NGFR: variants seen among roughly 807,000 people sequenced by gnomAD.
NGFR encodes tumor necrosis factor receptor superfamily member 16.
NGFR carries 30 observed loss-of-function variants against 43.2 expected under a neutral mutation model. That is an observed-to-expected ratio of 0.69 (90% CI 0.52 to 0.94). NGFR has a LOEUF of 0.94. Among genes scored for constraint, NGFR ranks in the 40% least tolerant of loss-of-function variants. NGFR has a pLI of 0.00. For synonymous variants in NGFR, 246 were observed against 259.6 expected, an observed-to-expected ratio of 0.95 and a Z score of 0.50; for missense variants, 529 against 602.5, an observed-to-expected ratio of 0.88 and a Z score of 1.28.
chr17:49,508,898 A>G (rs2071215244), intron 3 of NGFR, among the ~76,000 whole-genome samples: 1 of 152,034 alleles, frequency 6.6e-6, no homozygotes, highest in South Asian at 2.1e-4. Context: ...GGGCACCCGG[A>G]CATGTACACT....
In NGFR at chr17:49,502,815, TCTTCCTTCCTTCCTTCCTTCCTTC is replaced by T. The variant is rs10672288; in HGVS notation, c.208+643_208+666del. On this transcript the variant is annotated intron_variant, in intron 2 of 5. Coordinates refer to ENST00000172229, the MANE Select transcript of NGFR (RefSeq NM_002507.4). ...GCTGTGCCCATTCCTGCCTGGGATT[TCTTCCTTCCTTCCTTCCTTCCTTC>T]CTTCCTTCCTTCCTTCCTTCCTTCC... Among the ~76,000 whole-genome samples, 94 of 121,590 alleles carry T rather than the reference TCTTCCTTCCTTCCTTCCTTCCTTC, an allele frequency of 7.7e-4. No individual in the cohort carries two copies. In the Middle Eastern group the frequency reaches 0.016, roughly 20 times the overall value. The allele number at this position is 121,590 out of a possible 152,430, so 79.8% of individuals were successfully genotyped here.
At chr17:49,506,073 G>C in intron 2 of NGFR, 4 of 794,918 alleles carry the variant, frequency 5.0e-6, no homozygotes, top group Admixed American at 3.5e-5. Context: ...AGTGCTTCTG[G>C]AGCCTGGAGG....
chr17:49,502,815 TCTTCCTTCCTTC>T (rs10672288), intron 2 of NGFR, among the ~76,000 whole-genome samples: 3,152 of 121,582 alleles, frequency 0.026, 51 homozygotes, highest in Non-Finnish European at 0.038. Flanking sequence ...GCCTGGGATT[TCTTCCTTCCTTC>T]CTTCCTTCCT....
chr17:49,502,063 G>A lies in NGFR; in HGVS notation c.67G>A (p.Val23Met), dbSNP rs1294834477. Residue 23 changes from valine (V) to methionine (M), a missense_variant and splice_region_variant, in exon 2 of 6, where the codon GTG (valine) becomes ATG (methionine). Coordinates refer to ENST00000172229, the MANE Select transcript of NGFR (RefSeq NM_002507.4). The part of the protein sequence containing the change: ...PRLLLLLLLG[V>M]SLGGAKEACP... ...GACCCTCCGATCTCCCTCCATCCAG[G>A]TGTCCCTTGGAGGTGCCAAGGAGGC... 6 of 1,314,510 alleles carry A rather than the reference G, an allele frequency of 4.6e-6. No homozygotes were observed. In the African/African-American group the frequency reaches 4.7e-5, roughly 10 times the overall value. The allele number at this position is 1,314,510 out of a possible 1,614,324, so 81.4% of individuals were successfully genotyped here. A position where few individuals can be genotyped will look rare whatever the true frequency, so the allele number is the denominator to read the frequency against.
In NGFR at chr17:49,502,125, C is replaced by T; in HGVS notation, c.129C>T (p.Cys43=). The T allele has an allele frequency of 6.2e-7, 1 of 1,612,008 alleles. No individual in the cohort carries two copies. Among genetic ancestry groups the T allele is most frequent in the Non-Finnish European group, 8.5e-7 (1 of 1,179,180 alleles). The change falls in exon 2 of 6, where the codon TGC becomes TGT. Residue 43 remains cysteine, a synonymous_variant. Transcript: ENST00000172229. ...GCCTGTACACACACAGCGGTGAGTG[C>T]TGCAAAGCCTGCAACCTGGGCGAGG... ...PTGLYTHSGE[C]CKACNLGEGV...
In NGFR at chr17:49,512,943, C is replaced by T. The variant is rs1401671996; in HGVS notation, c.1218C>T (p.Arg406=). 3 of 1,610,350 alleles carry T rather than the reference C, an allele frequency of 1.9e-6. No individual in the cohort carries two copies. Among genetic ancestry groups the T allele is most frequent in the African/African-American group, 1.3e-5 (1 of 74,858 alleles). ...ATLDALLAAL[R]RIQRADLVES... ...TGGACGCCCTCCTGGCCGCCCTGCG[C>T]CGCATCCAGCGAGCCGACCTCGTGG... The change falls in exon 6 of 6, where the codon CGC becomes CGT. Residue 406 remains arginine, a synonymous_variant. Transcript: ENST00000172229. The surrounding 1 kb of genome is among the most constrained non-coding windows in gnomAD (Gnocchi z 5.2).
At chr17:49,508,711 T>C (rs2071213939) in intron 3 of NGFR, among the ~76,000 whole-genome samples, 1 of 152,126 alleles carries the variant, frequency 6.6e-6, no homozygotes, top group African/African-American at 2.4e-5. Flanking sequence ...GCTTAGTAGG[T>C]TGGAATGCTA....
chr17:49,512,937 C>T lies in NGFR; in HGVS notation c.1212C>T (p.Ala404=), dbSNP rs768645864. 2 of 1,611,292 alleles carry T rather than the reference C, an allele frequency of 1.2e-6. No individual in the cohort carries two copies. The highest frequency in any genetic ancestry group is 1.1e-5 in the South Asian group (1 of 90,912). Residue 404 remains alanine, a synonymous_variant, in exon 6 of 6, where the codon GCC becomes GCT. Transcript: ENST00000172229. This position sits in a 1 kb window ranked among gnomAD's most constrained non-coding sequence, Gnocchi z 5.2. ...DSATLDALLA[A]LRRIQRADLV... ...CCACACTGGACGCCCTCCTGGCCGC[C>T]CTGCGCCGCATCCAGCGAGCCGACC... is the stretch of plus-strand genomic sequence containing the variant.
chr17:49,506,503 G>A lies in NGFR; in HGVS notation c.413G>A (p.Cys138Tyr), dbSNP rs777312676. ...GCGGGCTCGGGCCTCGTGTTCTCCT[G>A]CCAGGACAAGCAGAACACCGTGTGC... is the stretch of plus-strand genomic sequence containing the variant. ...CEAGSGLVFS[C>Y]QDKQNTVCEE... is the part of the protein sequence containing the mutation. Residue 138 changes from cysteine to tyrosine, a missense_variant, in exon 3 of 6, where the codon TGC (cysteine) becomes TAC (tyrosine). By Grantham distance (194) the Cys-to-Tyr change is radical (BLOSUM62 -2). Transcript: ENST00000172229. 1 of 1,611,560 alleles carries A rather than the reference G, an allele frequency of 6.2e-7. No individual in the cohort carries two copies. Among genetic ancestry groups the A allele is most frequent in the South Asian group, 1.1e-5 (1 of 91,052 alleles).
intron 1 of NGFR, among the ~76,000 whole-genome samples, chr17:49,501,440 A>G (rs2071166409): frequency 6.6e-6 from 1 of 152,242 alleles, no homozygotes; most frequent in Non-Finnish European, 1.5e-5. Context: ...GAAGATGGGC[A>G]AGCAAGACCC....
In NGFR at chr17:49,511,032, G is replaced by C. The variant is rs965139084; in HGVS notation, c.821+368G>C. The C allele has an allele frequency of 2.2e-5, 4 of 185,536 alleles. No individual in the cohort carries two copies. In the South Asian group the frequency reaches 6.7e-4, roughly 31 times the overall value. The allele number at this position is 185,536 out of a possible 1,614,324, so 11.5% of individuals were successfully genotyped here. On this transcript the variant is annotated intron_variant, in intron 4 of 5. Transcript: ENST00000172229. ...CTTCGCTTGTCACACTGGGAATGCT[G>C]TGGCACCCACATCCAGGAATCCAGG...
intron 1 of NGFR, among the ~76,000 whole-genome samples, chr17:49,500,236 G>A (rs1368802671): frequency 6.6e-6 from 1 of 152,198 alleles, no homozygotes; most frequent in Non-Finnish European, 1.5e-5. Context: ...AGCCACCATG[G>A]TGAAAAGCAA....
chr17:49,502,272 G>T, intron 2 of NGFR, 68 bp downstream of exon 2: 1 of 1,501,404 alleles, frequency 6.7e-7, no homozygotes, highest in Non-Finnish European at 9.0e-7. Flanking sequence ...GAAAGGGAGG[G>T]GCGCTGGGGA....
At position 49,512,719 on chromosome 17, in the gene NGFR, G is replaced by A. The variant is rs1347803531; in HGVS notation, c.994G>A (p.Asp332Asn). The change falls in exon 6 of 6, where the codon GAC (aspartate) becomes AAC (asparagine). Residue 332 changes from aspartate (D) to asparagine (N), a missense_variant. By Grantham distance (23) the Asp-to-Asn change is conservative. Transcript: ENST00000172229. This position sits in a 1 kb window ranked among gnomAD's most constrained non-coding sequence, Gnocchi z 5.2. ...TGGTTTCTCTGCAGCCCTCAAGGGT[G>A]ACGGAGGCCTCTACAGCAGCCTGCC... ...QTASGQALKG[D>N]GGLYSSLPPA... is the part of the protein sequence containing the mutation. The A allele has an allele frequency of 1.2e-6, 2 of 1,601,660 alleles. No individual in the cohort carries two copies. The highest frequency in any genetic ancestry group is 2.3e-5 in the South Asian group (2 of 88,880).
intron 3 of NGFR, 68 bp from the exon 4 acceptor site, chr17:49,510,344 C>CAGTGGGTT: frequency 6.3e-7 from 1 of 1,585,196 alleles, no homozygotes; most frequent in Non-Finnish European, 8.6e-7. Context: ...AAGAACACGG[C>CAGTGGGTT]AGTGGGTTAG....
At position 49,502,006 on chromosome 17, in the gene NGFR, C is replaced by CG. The variant is rs1254713344; in HGVS notation, c.67-57_67-56insG. ...TGTTTGATTCCCCGGAAGAACCCCC[C>CG]CCAACCCACCCCAGCTTTCTCTTGC... is the stretch of plus-strand genomic sequence containing the variant. On this transcript the variant is annotated intron_variant, in intron 1 of 5. Coordinates refer to ENST00000172229, the MANE Select transcript of NGFR (RefSeq NM_002507.4). 2.2e-5 allele frequency: 13 copies of CG among 581,210 alleles called. 1 individual carries two copies. The highest frequency in any genetic ancestry group is 4.8e-5 in the East Asian group (1 of 20,974). The allele number at this position is 581,210 out of a possible 1,614,324, so 36.0% of individuals were successfully genotyped here.
At chr17:49,506,243 T>C (rs1399753101) in intron 2 of NGFR, 56 bp from the exon 3 acceptor site, 22 of 1,506,844 alleles carry the variant, frequency 1.5e-5, no homozygotes, top group Non-Finnish European at 1.9e-5. Context: ...CTCCAGCTCC[T>C]GCGTCCCGGG....
Position 49,506,397 on chromosome 17 carries a change from G to A in NGFR, c.307G>A (p.Asp103Asn), listed in dbSNP as rs1361847060. ...CATGTCGGCGCCGTGCGTGGAGGCCGACGACGCCGTGTGCCGCTGCGCCTA... is the reference window on the plus strand; with the variant it reads ...CATGTCGGCGCCGTGCGTGGAGGCCAACGACGCCGTGTGCCGCTGCGCCTA... ...QSMSAPCVEADDAVCRCAYGY... is the reference protein window; with the variant it reads ...QSMSAPCVEANDAVCRCAYGY... Residue 103 changes from aspartate to asparagine, a missense_variant, in exon 3 of 6, where the codon GAC becomes AAC. Physicochemically the swap from Asp to Asn is conservative, Grantham distance 23 (BLOSUM62 1). Transcript: ENST00000172229. 4 of 1,602,864 alleles carry A rather than the reference G, an allele frequency of 2.5e-6. No homozygotes were observed. Among genetic ancestry groups the A allele is most frequent in the Non-Finnish European group, 3.4e-6 (4 of 1,177,468 alleles).
chr17:49,509,807 T>C (rs2071220171), intron 3 of NGFR, among the ~76,000 whole-genome samples: 1 of 152,110 alleles, frequency 6.6e-6, no homozygotes, highest in African/African-American at 2.4e-5. Context: ...ACCCCTCCTT[T>C]CCACCCAAGC....
Sources: gnomAD v4.1 joint callset for allele counts (sites outside exome capture counted in the v4.1 genomes callset) on GRCh38, gnomAD v4.1.1 for gene constraint, Gnocchi (gnomAD v3.1) non-coding constraint, MANE v1.5 for transcripts, NCBI Gene and HGNC (gene_info 2026-07-23, HGNC 2026-07-21) for gene names.